Variants in CIB1 observed in about 807,000 individuals in gnomAD.
CIB1 encodes calcium and integrin binding 1.
Under a neutral mutation model 25.0 loss-of-function variants are expected in CIB1, and 19 were observed. The observed-to-expected ratio is 0.76, with a 90% CI of 0.53 to 1.12. The LOEUF (loss-of-function observed/expected upper bound fraction) is 1.12. Among genes scored for constraint, CIB1 ranks in the 50% most tolerant of loss-of-function variants. The pLI is 0.00. For missense variants in CIB1, 236 were observed against 242.6 expected, an observed-to-expected ratio of 0.97 and a Z score of 0.18; for synonymous variants, 104 against 98.5, an observed-to-expected ratio of 1.06 and a Z score of -0.33.
the CIB1 span, chr15:90,262,421 C>T: frequency 7.2e-7 from 1 of 1,396,942 alleles, no homozygotes; most frequent in Non-Finnish European, 9.4e-7. Context: ...CTTTCCTCAT[C>T]CCCATTTTTC....
At chr15:90,233,514 G>A (rs749110150) in intron 2 of CIB1, among the ~76,000 whole-genome samples, 155 bp downstream of exon 2, 10 of 152,236 alleles carry the variant, frequency 6.6e-5, no homozygotes, top group Non-Finnish European at 5.9e-5. Flanking sequence ...AGGGCGTGCC[G>A]GGAGGAGGGC....
upstream of CIB1, chr15:90,234,095 G>C: frequency 2.2e-6 from 1 of 447,698 alleles, no homozygotes; most frequent in Admixed American, 4.4e-5. Flanking sequence ...AGGCGAGCTG[G>C]AGGCGGGGCC....
At chr15:90,264,057 C>A in the CIB1 span, 2 of 1,527,856 alleles carry the variant, frequency 1.3e-6, no homozygotes, top group African/African-American at 2.7e-5. Context: ...GGCTCACTAG[C>A]CGTAAGTATG....
At chr15:90,244,518 A>G in the CIB1 span, 1 of 152,198 alleles carries the variant, frequency 6.6e-6, no homozygotes, top group Non-Finnish European at 1.5e-5. Context: ...AATGTTATAC[A>G]GCAAAAGTAA....
chr15:90,261,067 CT>C, the CIB1 span, among the ~76,000 whole-genome samples: 1 of 150,720 alleles, frequency 6.6e-6, no homozygotes, highest in African/African-American at 2.4e-5. Flanking sequence ...CGTATATTAC[CT>C]TTTTTTCTTG....
At chr15:90,241,887 G>A in the CIB1 span, 3 of 1,614,156 alleles carry the variant, frequency 1.9e-6, no homozygotes, top group Non-Finnish European at 2.5e-6. Flanking sequence ...GGACGGTGAA[G>A]CTTTCAATGT....
At chr15:90,253,353 A>C in the CIB1 span, 3 of 1,612,492 alleles carry the variant, frequency 1.9e-6, no homozygotes, top group African/African-American at 2.7e-5. Context: ...AGTCATGGAC[A>C]TGAAGAGGTT....
the CIB1 span, chr15:90,263,557 C>T: frequency 5.5e-6 from 3 of 550,240 alleles, no homozygotes; most frequent in Non-Finnish European, 6.4e-6. Context: ...AGAGCTGCCG[C>T]TTTCACTATT....
the CIB1 span, among the ~76,000 whole-genome samples, chr15:90,260,066 T>C: frequency 6.6e-6 from 1 of 152,334 alleles, no homozygotes; most frequent in African/African-American, 2.4e-5. Flanking sequence ...AACTGTAATA[T>C]ACTGGCTATT....
chr15:90,230,650 A>G, intron 6 of CIB1, 145 bp from the exon 7 acceptor site: 1 of 853,644 alleles, frequency 1.2e-6, no homozygotes, highest in South Asian at 1.6e-5. Flanking sequence ...TCCCCGAGAC[A>G]TCCAGAGGGA....
upstream of CIB1, among the ~76,000 whole-genome samples, chr15:90,235,099 C>G (rs7342638): frequency 0.16 from 24,245 of 152,154 alleles, 2,090 homozygotes; most frequent in African/African-American, 0.21. Flanking sequence ...GGCTCTCTGT[C>G]TTTCAGCCAC....
At chr15:90,233,567 T>G in intron 2 of CIB1, 102 bp downstream of exon 2, 1 of 1,423,968 alleles carries the variant, frequency 7.0e-7, no homozygotes, top group Non-Finnish European at 9.7e-7. Flanking sequence ...CCCGCTCCTC[T>G]GCAGACCTCA....
the CIB1 span, among the ~76,000 whole-genome samples, chr15:90,259,710 CT>C: frequency 2.6e-5 from 4 of 152,160 alleles, no homozygotes; most frequent in Admixed American, 2.0e-4. Context: ...AACAAATCTC[CT>C]TTAGAAACCA....
At chr15:90,261,554 A>C in the CIB1 span, among the ~76,000 whole-genome samples, 3 of 151,884 alleles carry the variant, frequency 2.0e-5, no homozygotes, top group Admixed American at 6.6e-5. Flanking sequence ...GCACTTTGGG[A>C]GGCCGAGGTG....
the CIB1 span, chr15:90,257,799 G>A: frequency 7.1e-7 from 1 of 1,417,682 alleles, no homozygotes; most frequent in Non-Finnish European, 9.9e-7. Context: ...AACCAAGCTG[G>A]CTCTTGGGAG....
At chr15:90,237,036 G>A (rs1962649493), upstream of CIB1, among the ~76,000 whole-genome samples, 1 of 151,450 alleles carries the variant, frequency 6.6e-6, no homozygotes, top group African/African-American at 2.4e-5. Flanking sequence ...TTAGCTCACT[G>A]CAACCTCTGC....
the CIB1 span, chr15:90,262,398 G>C: frequency 7.6e-7 from 1 of 1,318,920 alleles, no homozygotes; most frequent in South Asian, 1.6e-5. Context: ...AGAACAGATT[G>C]TAATTTCCTG....
chr15:90,231,628 G>A, intron 3 of CIB1, 121 bp from the exon 4 acceptor site: 1 of 1,184,058 alleles, frequency 8.4e-7, no homozygotes. Context: ...GGGGTGAACA[G>A]TCAGTGCTTT....
At chr15:90,258,480 G>A in the CIB1 span, 1 of 622,340 alleles carries the variant, frequency 1.6e-6, no homozygotes, top group African/African-American at 1.8e-5. Flanking sequence ...CCGTAGGAAT[G>A]CAGGTTTGGG....
Sources: allele counts gnomAD v4.1 joint callset (sites outside exome capture counted in the v4.1 genomes callset), GRCh38; gene constraint gnomAD v4.1.1; transcripts MANE v1.5; gene names NCBI Gene and HGNC (gene_info 2026-07-23, HGNC 2026-07-21).